FBXL7: variants seen among roughly 807,000 people sequenced by gnomAD.
FBXL7 encodes the protein F-box/LRR-repeat protein 7.
A neutral mutation model predicts 38.3 loss-of-function variants in FBXL7; 12 were observed. The observed-to-expected ratio is 0.31, with a 90% CI of 0.20 to 0.51. The LOEUF is 0.51. FBXL7 is among the 20% of genes least tolerant of loss of function. The pLI, the probability that FBXL7 is intolerant of heterozygous loss-of-function variation, is 0.98. For synonymous variants in FBXL7, 297 were observed against 300.9 expected (o/e 0.99, Z 0.13); for missense variants, 567 against 676.4 (o/e 0.84, Z 1.79).
chr5:15,742,340 C>T (rs923369796), intron 2 of FBXL7, among the ~76,000 whole-genome samples: 1 of 152,170 alleles, frequency 6.6e-6, no homozygotes, highest in African/African-American at 2.4e-5. Context: ...GCAAAAGCTC[C>T]TTAAGCCAAT....
intron 2 of FBXL7, among the ~76,000 whole-genome samples, chr5:15,625,173 G>T (rs1281435243): frequency 6.6e-6 from 1 of 152,180 alleles, no homozygotes; most frequent in Non-Finnish European, 1.5e-5. Context: ...GCAAATATTA[G>T]TATTCTAAGC....
At chr5:15,811,966 AC>A (rs1737873322) in intron 2 of FBXL7, among the ~76,000 whole-genome samples, 1 of 152,144 alleles carries the variant, frequency 6.6e-6, no homozygotes, top group Admixed American at 6.6e-5. Context: ...ATACCATTTG[AC>A]CCAGCAATCC....
intron 2 of FBXL7, among the ~76,000 whole-genome samples, chr5:15,888,288 C>T (rs534775018): frequency 6.6e-5 from 10 of 151,792 alleles, no homozygotes; most frequent in African/African-American, 1.7e-4. Context: ...AGTGCAGTGG[C>T]GCAATCTCGG....
chr5:15,797,405 T>A (rs1182910077), intron 2 of FBXL7, among the ~76,000 whole-genome samples: 1 of 152,230 alleles, frequency 6.6e-6, no homozygotes, highest in African/African-American at 2.4e-5. Flanking sequence ...GCTTCAGAAC[T>A]GGGCTAGAAC....
chr5:15,574,799 G>C (rs777998637), intron 1 of FBXL7, among the ~76,000 whole-genome samples: 8 of 152,158 alleles, frequency 5.3e-5, no homozygotes, highest in Non-Finnish European at 1.2e-4. Context: ...TGAAATACTA[G>C]TGCTTGTTGA....
At position 15,939,339 on chromosome 5, in the gene FBXL7, C is replaced by A; in HGVS notation, c.*2153C>A. 3.2e-6 allele frequency: 1 copy of A among 308,364 alleles called. No homozygotes were observed. Among genetic ancestry groups the A allele is most frequent in the East Asian group, 5.1e-5 (1 of 19,562 alleles). 19.1% of individuals were successfully genotyped at this position (308,364 alleles called of 1,614,324 possible). ...GATTTGGGTGTCACAAAGGATTGTCCCTAATCCTTGGCCCTGGGGTCTTCC... is the reference window on the plus strand; with the variant it reads ...GATTTGGGTGTCACAAAGGATTGTCACTAATCCTTGGCCCTGGGGTCTTCC... On this transcript the variant is annotated 3_prime_UTR_variant, in exon 4 of 4. Transcript: ENST00000504595.
At chr5:15,791,076 G>C (rs896457207) in intron 2 of FBXL7, among the ~76,000 whole-genome samples, 28 of 148,972 alleles carry the variant, frequency 1.9e-4, no homozygotes, top group Non-Finnish European at 3.6e-4. Context: ...GTAAAAGGGG[G>C]GGGGGGGTTA....
chr5:15,710,708 T>C (rs1010871314), intron 2 of FBXL7, among the ~76,000 whole-genome samples: 6 of 152,214 alleles, frequency 3.9e-5, no homozygotes, highest in Admixed American at 3.3e-4. Context: ...ATGATTATTT[T>C]TGTTATTTTA....
intron 2 of FBXL7, among the ~76,000 whole-genome samples, chr5:15,890,321 T>C (rs1013347819): frequency 1.3e-5 from 2 of 152,254 alleles, no homozygotes; most frequent in East Asian, 3.9e-4. Context: ...CACAATCTGC[T>C]CACTGCAACC....
intron 2 of FBXL7, among the ~76,000 whole-genome samples, chr5:15,645,506 C>G (rs4701636): frequency 0.035 from 5,358 of 152,206 alleles, 136 homozygotes; most frequent in East Asian, 0.054. Context: ...GTACTTCTTA[C>G]GTTTCTTGAT....
At chr5:15,913,671 T>C (rs951388218) in intron 2 of FBXL7, among the ~76,000 whole-genome samples, 1 of 152,240 alleles carries the variant, frequency 6.6e-6, no homozygotes, top group African/African-American at 2.4e-5. Flanking sequence ...TAAAGAATTA[T>C]CTGACAATTG....
intron 2 of FBXL7, among the ~76,000 whole-genome samples, chr5:15,785,209 C>G: frequency 6.6e-6 from 1 of 152,302 alleles, no homozygotes; most frequent in East Asian, 1.9e-4. Flanking sequence ...TGCTCTGCAT[C>G]GCTCTGACCA....
chr5:15,634,344 C>CAGGG (rs1741107336), intron 2 of FBXL7, among the ~76,000 whole-genome samples: 2 of 102,376 alleles, frequency 2.0e-5, no homozygotes, highest in Admixed American at 1.1e-4. Flanking sequence ...TTTTAAAAGA[C>CAGGG]AGAGTCTCGT....
chr5:15,767,967 C>T (rs1188777139), intron 2 of FBXL7, among the ~76,000 whole-genome samples: 3 of 152,074 alleles, frequency 2.0e-5, no homozygotes, highest in Admixed American at 6.5e-5. Context: ...AAATTTACTA[C>T]TTTTGTCATG....
At chr5:15,798,839 C>A (rs189168159) in intron 2 of FBXL7, among the ~76,000 whole-genome samples, 1 of 152,206 alleles carries the variant, frequency 6.6e-6, no homozygotes, top group African/African-American at 2.4e-5. Flanking sequence ...ATCAGAAGTT[C>A]TAGATTCATT....
At chr5:15,609,589 T>G in intron 1 of FBXL7, among the ~76,000 whole-genome samples, 1 of 152,174 alleles carries the variant, frequency 6.6e-6, no homozygotes, top group Non-Finnish European at 1.5e-5. Flanking sequence ...TCTGCTCTCT[T>G]GTTGCGGCTA....
intron 2 of FBXL7, among the ~76,000 whole-genome samples, chr5:15,813,651 G>A (rs973726959): frequency 1.1e-4 from 17 of 152,038 alleles, no homozygotes; most frequent in African/African-American, 4.1e-4. Flanking sequence ...CCTACAGAAT[G>A]GGAGAAAATT....
chr5:15,502,161 T>C lies in FBXL7; in HGVS notation c.37+1448T>C, dbSNP rs971954826. ...AGCATGTGCTTGTCAGTTCTGGGTG[T>C]ATGCTAGTTGAACACTGTCGGGGGG... On this transcript the variant is annotated intron_variant, in intron 1 of 3. Transcript: ENST00000504595. 3.3e-5 allele frequency among the ~76,000 whole-genome samples: 5 copies of C among 152,148 alleles called. 1 individual carries two copies. The highest frequency in any genetic ancestry group is 1.2e-4 in the African/African-American group (5 of 41,404).
intron 2 of FBXL7, among the ~76,000 whole-genome samples, chr5:15,673,033 A>C (rs1224993499): frequency 1.3e-5 from 2 of 152,090 alleles, no homozygotes; most frequent in African/African-American, 4.8e-5. Flanking sequence ...GGATCCTTAA[A>C]ACCCATATAG....
Sources: allele counts gnomAD v4.1 joint callset (sites outside exome capture counted in the v4.1 genomes callset), GRCh38; gene constraint gnomAD v4.1.1; transcripts MANE v1.5; gene names NCBI Gene and HGNC (gene_info 2026-07-23, HGNC 2026-07-21).